Variants in SH3KBP1 observed in about 807,000 individuals in gnomAD.
SH3KBP1 encodes SH3 domain containing kinase binding protein 1, also known as SH3 domain-containing kinase-binding protein 1.
SH3KBP1 carries 8 observed loss-of-function variants against 50.1 expected under a neutral mutation model. The ratio of observed to expected loss-of-function variants is 0.16; its 90% CI spans 0.09 to 0.29. SH3KBP1 has a LOEUF of 0.29. Among genes scored for constraint, SH3KBP1 ranks in the 10% least tolerant of loss-of-function variants. SH3KBP1 has a pLI of 1.00. For synonymous variants in SH3KBP1, 227 were observed against 218.6 expected, an observed-to-expected ratio of 1.04 and a Z score of -0.34; for missense variants, 377 against 535.2, an observed-to-expected ratio of 0.70 and a Z score of 2.92.
intron 2 of SH3KBP1, among the ~76,000 whole-genome samples, chrX:19,818,149 C>T (rs778142071): frequency 8.9e-6 from 1 of 112,051 alleles, no homozygotes; most frequent in Non-Finnish European, 1.9e-5. Flanking sequence ...AGAACATATC[C>T]CTGTTGTTCA....
chrX:19,884,427 C>T (rs1399597275), intron 1 of SH3KBP1, among the ~76,000 whole-genome samples: 3 of 112,270 alleles, frequency 2.7e-5, no homozygotes, highest in Non-Finnish European at 5.6e-5. Flanking sequence ...ATGTCAGTAA[C>T]GCCAAAAGAA....
chrX:19,640,770 G>C (rs749966985), intron 7 of SH3KBP1, among the ~76,000 whole-genome samples: 17 of 111,459 alleles, frequency 1.5e-4, no homozygotes, highest in Non-Finnish European at 3.0e-4. Context: ...TTTTCTGCGG[G>C]GCAGATGGAA....
At chrX:19,804,818 G>A (rs895966363) in intron 2 of SH3KBP1, among the ~76,000 whole-genome samples, 28 of 106,184 alleles carry the variant, frequency 2.6e-4, no homozygotes, top group African/African-American at 7.9e-4. Context: ...AGGATCGACT[G>A]GGAGCTTCTT....
chrX:19,796,969 C>T (rs1040338543), intron 2 of SH3KBP1, among the ~76,000 whole-genome samples: 4 of 112,109 alleles, frequency 3.6e-5, no homozygotes, highest in Non-Finnish European at 7.5e-5. Context: ...AAAAGTAATT[C>T]ACCGTGTTAA....
intron 9 of SH3KBP1, among the ~76,000 whole-genome samples, chrX:19,599,503 T>A (rs1385620980): frequency 8.9e-6 from 1 of 112,154 alleles, no homozygotes; most frequent in Non-Finnish European, 1.9e-5. Flanking sequence ...ACCCGGCAGT[T>A]GCAGAGGCAG....
chrX:19,577,097 C>CT (rs2066224769), intron 12 of SH3KBP1, among the ~76,000 whole-genome samples: 1 of 112,470 alleles, frequency 8.9e-6, no homozygotes, highest in African/African-American at 3.2e-5. Context: ...GTATTGAACT[C>CT]TAAAACATAT....
rs963356735 is a variant in SH3KBP1 at position 19,776,970 on chromosome X, T to C, written c.163-30529A>G. ...AACCACCAACCGCCTGCCACCTGAA[T>C]CTGTACTGAAAGACCACACAACCAC... On this transcript the variant is annotated intron_variant, in intron 2 of 17. Coordinates refer to ENST00000397821, the MANE Select transcript of SH3KBP1 (RefSeq NM_031892.3). Among the ~76,000 whole-genome samples, 5 of 110,987 alleles carry C rather than the reference T, an allele frequency of 4.5e-5. No homozygotes were observed. In the Admixed American group the frequency reaches 4.8e-4, roughly 11 times the overall value.
At chrX:19,605,169 C>T (rs1000893522) in intron 9 of SH3KBP1, among the ~76,000 whole-genome samples, 4 of 110,423 alleles carry the variant, frequency 3.6e-5, no homozygotes, top group Admixed American at 9.7e-5. Flanking sequence ...TTTACTGCCC[C>T]CCCCCAAGAC....
rs1200051050 is a variant in SH3KBP1 at position 19,645,493 on chromosome X, T to C, written c.727-18A>G. ...CCAATAGTCTGAGGGGAAAAACAGA[T>C]GATTTTACTTATCAAGATGATTGTC... On this transcript the variant is annotated intron_variant, in intron 6 of 17. Transcript: ENST00000397821. 1 of 1,082,008 alleles carries C rather than the reference T, an allele frequency of 9.2e-7. No homozygotes were observed. Among genetic ancestry groups the C allele is most frequent in the Non-Finnish European group, 1.3e-6 (1 of 778,975 alleles). 89.2% of individuals were successfully genotyped at this position (1,082,008 alleles called of 1,213,427 possible). A position where few individuals can be genotyped will look rare whatever the true frequency, so the allele number is the denominator to read the frequency against.
intron 2 of SH3KBP1, among the ~76,000 whole-genome samples, chrX:19,749,247 A>C (rs372721504): frequency 8.9e-6 from 1 of 112,485 alleles, no homozygotes; most frequent in South Asian, 3.7e-4. Context: ...TAGAAAGTTA[A>C]ATATAGAATT....
Position 19,832,733 on chromosome X carries a change from C to T in SH3KBP1, c.162+3392G>A, listed in dbSNP as rs191633796. 3.5e-3 allele frequency among the ~76,000 whole-genome samples: 390 copies of T among 111,956 alleles called. 1 individual carries two copies. Among genetic ancestry groups the T allele is most frequent in the Non-Finnish European group, 4.4e-3 (232 of 53,057 alleles). On this transcript the variant is annotated intron_variant, in intron 2 of 17. Transcript: ENST00000397821. ...CCAAAGCCCATGGGAAGCCACAGGACAGGAGCCTGCTGCCATGCCCACACT... is the reference window on the plus strand; with the variant it reads ...CCAAAGCCCATGGGAAGCCACAGGATAGGAGCCTGCTGCCATGCCCACACT...
intron 7 of SH3KBP1, among the ~76,000 whole-genome samples, chrX:19,635,531 GTT>G (rs766703802): frequency 1.0e-5 from 1 of 98,832 alleles, no homozygotes. Flanking sequence ...CGTGTATCCC[GTT>G]TTTTTTTTTT....
intron 3 of SH3KBP1, among the ~76,000 whole-genome samples, chrX:19,720,506 CAG>C (rs1041452093): frequency 4.5e-5 from 5 of 112,169 alleles, no homozygotes; most frequent in African/African-American, 9.7e-5. Flanking sequence ...ACGCTCCATG[CAG>C]AGTCATTCAA....
At position 19,595,645 on chromosome X, in the gene SH3KBP1, C is replaced by G. The variant is rs2066883659; in HGVS notation, c.1006-645G>C. The stretch of plus-strand genomic sequence containing the variant: ...TTTGTTTTTCTCACATGCTGTCACT[C>G]TGTAGGTGATGGAGGTAGCAGTGCA... On this transcript the variant is annotated intron_variant, in intron 9 of 17. Transcript: ENST00000397821. 6.5e-5 allele frequency among the ~76,000 whole-genome samples: 7 copies of G among 106,906 alleles called. No individual in the cohort carries two copies. In the Admixed American group the frequency reaches 7.1e-4, roughly 11 times the overall value. The allele number at this position is 106,906 out of a possible 115,157, so 92.8% of individuals were successfully genotyped here.
chrX:19,687,775 G>C (rs1256299114), intron 5 of SH3KBP1: 2 of 711,445 alleles, frequency 2.8e-6, no homozygotes, highest in Admixed American at 4.7e-5. Flanking sequence ...AGAAGGAAGA[G>C]GAAGAGTCTT....
chrX:19,853,322 A>G lies in SH3KBP1; in HGVS notation c.5-17040T>C, dbSNP rs111916005. On this transcript the variant is annotated intron_variant, in intron 1 of 17. Coordinates refer to ENST00000397821, the MANE Select transcript of SH3KBP1 (RefSeq NM_031892.3). ...AGAGAAAGGATTTTGAGGTGAGCTC[A>G]GTGGCCTGTGGCAGGACTGATCTAG... Among the ~76,000 whole-genome samples, 318 of 111,871 alleles carry G rather than the reference A, an allele frequency of 2.8e-3. 2 individuals are homozygous for G. The highest frequency in any genetic ancestry group is 9.8e-3 in the African/African-American group (301 of 30,766).
chrX:19,869,282 C>T (rs1471301011), intron 1 of SH3KBP1, among the ~76,000 whole-genome samples: 1 of 112,542 alleles, frequency 8.9e-6, no homozygotes, highest in African/African-American at 3.2e-5. Context: ...ATTAATACTC[C>T]TCTGCCTTCA....
Position 19,588,731 on chromosome X carries a change from G to T in SH3KBP1, c.1210C>A (p.Arg404=), listed in dbSNP as rs774272802. The change falls in exon 12 of 18, where the codon CGG becomes AGG. Residue 404 remains arginine (R), a synonymous_variant. Coordinates refer to ENST00000397821, the MANE Select transcript of SH3KBP1 (RefSeq NM_031892.3). ...SVPAIPPKKP[R]PPKTNSLSRP... ...CTGAGAGAATTGGTCTTAGGTGGCC[G>T]AGGCTTTTTTGGCGGTATGGCAGGA... The T allele has an allele frequency of 7.5e-6, 9 of 1,200,033 alleles. No individual in the cohort carries two copies. The highest frequency in any genetic ancestry group is 2.2e-5 in the Admixed American group (1 of 44,785).
At chrX:19,727,753 A>G (rs2064261024) in intron 3 of SH3KBP1, among the ~76,000 whole-genome samples, 1 of 112,433 alleles carries the variant, frequency 8.9e-6, no homozygotes, top group Non-Finnish European at 1.9e-5. Flanking sequence ...TGGGAGGCCG[A>G]GGCAGGCAGA....
Sources: allele counts gnomAD v4.1 joint callset (sites outside exome capture counted in the v4.1 genomes callset), GRCh38; gene constraint gnomAD v4.1.1; transcripts MANE v1.5; gene names NCBI Gene and HGNC (gene_info 2026-07-23, HGNC 2026-07-21).